Variants in CLASP1 observed in about 807,000 individuals in gnomAD.
CLASP1 encodes the protein CLIP-associating protein 1.
In CLASP1, 38 loss-of-function variants were observed where a neutral mutation model predicts 192.3. That is an observed-to-expected ratio of 0.20 (90% CI 0.15 to 0.26). The LOEUF (loss-of-function observed/expected upper bound fraction) is 0.26, where lower values mean the gene tolerates loss of function less well. Ranked by LOEUF, CLASP1 falls within the 10% of genes least tolerant of loss-of-function variation. The pLI is 1.00. For missense variants in CLASP1, 1,433 were observed against 1,932.5 expected, an observed-to-expected ratio of 0.74 and a Z score of 4.85; for synonymous variants, 691 against 712.8, an observed-to-expected ratio of 0.97 and a Z score of 0.49.
chr2:121,624,113 C>CT (rs1369091269), intron 1 of CLASP1, among the ~76,000 whole-genome samples: 1 of 151,948 alleles, frequency 6.6e-6, no homozygotes, highest in Non-Finnish European at 1.5e-5. Context: ...ATTTTCCCTA[C>CT]TTTTTTTCCC....
chr2:121,429,881 G>A (rs1344130078), intron 20 of CLASP1, among the ~76,000 whole-genome samples, 192 bp downstream of exon 20: 3 of 152,184 alleles, frequency 2.0e-5, no homozygotes, highest in African/African-American at 7.2e-5. Context: ...CTGGACAGGA[G>A]ACAAATGTAT....
At chr2:121,404,199 T>C (rs879781646) in intron 26 of CLASP1, 172 bp downstream of exon 27, 4 of 836,684 alleles carry the variant, frequency 4.8e-6, no homozygotes, top group African/African-American at 1.9e-5. Context: ...CATTTAAGTT[T>C]CCAAGAATTC....
At chr2:121,381,769 T>C (rs947202404) in intron 33 of CLASP1, among the ~76,000 whole-genome samples, 1 of 152,144 alleles carries the variant, frequency 6.6e-6, no homozygotes, top group Non-Finnish European at 1.5e-5. Context: ...AAATAGTCAA[T>C]AGCAAGGCTG....
intron 32 of CLASP1, among the ~76,000 whole-genome samples, chr2:121,386,242 G>A (rs2073165252): frequency 2.0e-5 from 3 of 152,188 alleles, no homozygotes; most frequent in African/African-American, 7.2e-5. Context: ...TAGCATACTT[G>A]TGGTATTTGC....
chr2:121,431,882 G>T (rs13032411), intron 19 of CLASP1, among the ~76,000 whole-genome samples: 38,221 of 151,376 alleles, frequency 0.25, 7,657 homozygotes, highest in African/African-American at 0.56. Flanking sequence ...AATATTTTAT[G>T]TGAAAAGTCA....
intron 2 of CLASP1, among the ~76,000 whole-genome samples, chr2:121,594,935 G>A (rs572287618): frequency 5.0e-4 from 74 of 148,952 alleles, no homozygotes; most frequent in South Asian, 6.4e-4. Flanking sequence ...GTTTTCACAT[G>A]TCTGAATATT....
At chr2:121,348,074 G>A (rs1420084302) in intron 38 of CLASP1, among the ~76,000 whole-genome samples, 1 of 151,922 alleles carries the variant, frequency 6.6e-6, no homozygotes, top group Non-Finnish European at 1.5e-5. Context: ...GAACGCAGCT[G>A]CTTTATGCCA....
At chr2:121,343,841 T>C (rs1483393305) in intron 39 of CLASP1, among the ~76,000 whole-genome samples, 1 of 152,032 alleles carries the variant, frequency 6.6e-6, no homozygotes, top group East Asian at 1.9e-4. Flanking sequence ...TTTTGGGAGG[T>C]GGGTGGATCA....
intron 24 of CLASP1, among the ~76,000 whole-genome samples, chr2:121,410,000 T>C (rs1165464133): frequency 2.6e-5 from 4 of 152,214 alleles, no homozygotes; most frequent in Non-Finnish European, 5.9e-5. Flanking sequence ...GGAATCACCA[T>C]AGCCATAAAC....
intron 2 of CLASP1, among the ~76,000 whole-genome samples, chr2:121,565,443 C>T (rs1250449615): frequency 2.6e-5 from 4 of 152,224 alleles, no homozygotes; most frequent in Non-Finnish European, 5.9e-5. Context: ...CATGCAGCAG[C>T]TGTGTTCACA....
rs947671209 is a variant in CLASP1, at chr2:121,510,748, T to C, written c.644+4917A>G. Among the ~76,000 whole-genome samples, 5 of 151,142 alleles carry C rather than the reference T, an allele frequency of 3.3e-5. No homozygotes were observed. The East Asian group carries it at 7.7e-4, about 23-fold the overall frequency. ...AGGAAGTCAAGGCTGCAGTGAGCAA[T>C]GATCATGTCATTGCACTCCAGCCTG... On this transcript the variant is annotated intron_variant, in intron 7 of 39. Transcript: ENST00000263710.
intron 25 of CLASP1, among the ~76,000 whole-genome samples, chr2:121,405,386 G>A (rs895800053): frequency 5.3e-5 from 8 of 152,214 alleles, no homozygotes; most frequent in African/African-American, 1.9e-4. Context: ...AACAGGATAA[G>A]GACCATGTCA....
intron 19 of CLASP1, among the ~76,000 whole-genome samples, chr2:121,437,542 ATTTGGGTTTTT>A (rs2082516734): frequency 6.6e-6 from 1 of 152,164 alleles, no homozygotes; most frequent in Admixed American, 6.5e-5. Flanking sequence ...TGATTTATCT[ATTTGGGTTTTT>A]CAGACTACAA....
intron 30 of CLASP1, among the ~76,000 whole-genome samples, chr2:121,392,475 T>C (rs966332294): frequency 3.9e-5 from 6 of 152,204 alleles, no homozygotes; most frequent in African/African-American, 1.4e-4. Flanking sequence ...ATAAGTGTTA[T>C]TTATGTATAG....
At chr2:121,581,298 C>G (rs1458026216) in intron 2 of CLASP1, among the ~76,000 whole-genome samples, 1 of 113,878 alleles carries the variant, frequency 8.8e-6, no homozygotes, top group Non-Finnish European at 1.6e-5. Flanking sequence ...GATGGAGTCT[C>G]GCTCTGTCGC....
chr2:121,518,287 T>C (rs994632937), intron 6 of CLASP1, among the ~76,000 whole-genome samples: 21 of 142,496 alleles, frequency 1.5e-4, no homozygotes, highest in Non-Finnish European at 2.7e-4. Flanking sequence ...GAGGTCATGA[T>C]GGCGGGACCC....
rs189206037 is a variant in CLASP1 at position 121,464,808 on chromosome 2, G to T, written c.866-2203C>A. Among the ~76,000 whole-genome samples the T allele has an allele frequency of 9.9e-3, 1,513 of 152,114 alleles. 11 individuals carry two copies. Among genetic ancestry groups the T allele is most frequent in the Middle Eastern group, 0.027 (8 of 294 alleles). On this transcript the variant is annotated intron_variant, in intron 9 of 39. Coordinates refer to ENST00000263710, the Ensembl canonical transcript of CLASP1. ...CCCATTTTGTAGGTTGCCTGTTCAC[G>T]CTGATGGTAGTTTCTTTTGCTGTGC...
At chr2:121,519,915 G>A (rs1308464531) in intron 6 of CLASP1, among the ~76,000 whole-genome samples, 1 of 152,174 alleles carries the variant, frequency 6.6e-6, no homozygotes, top group Non-Finnish European at 1.5e-5. Flanking sequence ...GGCTCTCACT[G>A]GTCTCGCACT....
chr2:121,609,850 A>C (rs529109379), intron 1 of CLASP1, among the ~76,000 whole-genome samples: 1 of 152,340 alleles, frequency 6.6e-6, no homozygotes, highest in East Asian at 1.9e-4. Context: ...CTGAGGCAGG[A>C]GAATCGCTTG....
Sources: allele counts gnomAD v4.1 joint callset (sites outside exome capture counted in the v4.1 genomes callset), GRCh38; gene constraint gnomAD v4.1.1; transcripts MANE v1.5; gene names NCBI Gene and HGNC (gene_info 2026-07-23, HGNC 2026-07-21).